The following SHROOM4 variants were observed in gnomAD, a reference collection of about 807,000 sequenced individuals.
SHROOM4 encodes protein Shroom4.
Under a neutral mutation model 80.3 loss-of-function variants are expected in SHROOM4, and 17 were observed. That is an observed-to-expected ratio of 0.21 (90% CI 0.14 to 0.32). The LOEUF (loss-of-function observed/expected upper bound fraction) is 0.32, where lower values mean the gene tolerates loss of function less well. Ranked by LOEUF, SHROOM4 falls within the 10% of genes least tolerant of loss-of-function variation. SHROOM4 has a pLI of 1.00. For missense variants in SHROOM4, 993 were observed against 1,140.3 expected, an observed-to-expected ratio of 0.87 and a Z score of 1.86; for synonymous variants, 400 against 437.5, an observed-to-expected ratio of 0.91 and a Z score of 1.07.
intron 1 of SHROOM4, among the ~76,000 whole-genome samples, chrX:50,698,976 C>T (rs190491849): frequency 1.5e-4 from 17 of 112,290 alleles, no homozygotes; most frequent in African/African-American, 5.5e-4. Context: ...TTGAAATTAA[C>T]ATACCTTGTT....
At chrX:50,684,964 A>C (rs1557262112) in intron 2 of SHROOM4, among the ~76,000 whole-genome samples, 1 of 112,123 alleles carries the variant, frequency 8.9e-6, no homozygotes, top group Non-Finnish European at 1.9e-5. Context: ...TTTTTGAGAA[A>C]GGAAATGACA....
At chrX:50,781,292 C>G (rs1213889955) in intron 1 of SHROOM4, among the ~76,000 whole-genome samples, 2 of 111,446 alleles carry the variant, frequency 1.8e-5, no homozygotes, top group Non-Finnish European at 3.8e-5. Context: ...TTAGCCCAGT[C>G]AAGTTGACAC....
intron 1 of SHROOM4, among the ~76,000 whole-genome samples, chrX:50,783,620 G>A (rs373813493): frequency 5.5e-5 from 6 of 109,099 alleles, no homozygotes; most frequent in African/African-American, 2.0e-4. Context: ...CTGTCACCCA[G>A]CCTGGAGTGC....
the SHROOM4 span, among the ~76,000 whole-genome samples, chrX:50,580,913 C>T: frequency 1.8e-5 from 2 of 112,326 alleles, no homozygotes; most frequent in Admixed American, 1.9e-4. Flanking sequence ...CTTCTCTTGT[C>T]ATTTCCTGAA....
chrX:50,682,526 G>A (rs782116608), intron 2 of SHROOM4, among the ~76,000 whole-genome samples: 3 of 111,745 alleles, frequency 2.7e-5, no homozygotes, highest in African/African-American at 9.7e-5. Context: ...AAAATTTACA[G>A]GGGGGAAATA....
At chrX:50,767,698 G>T in intron 1 of SHROOM4, among the ~76,000 whole-genome samples, 1 of 111,668 alleles carries the variant, frequency 9.0e-6, no homozygotes, top group South Asian at 3.8e-4. Flanking sequence ...AAAAAAAATG[G>T]TTTTGCTTTA....
At chrX:50,629,001 C>T (rs1376371045) in intron 4 of SHROOM4, among the ~76,000 whole-genome samples, 2 of 111,998 alleles carry the variant, frequency 1.8e-5, no homozygotes, top group Non-Finnish European at 3.8e-5. Flanking sequence ...GACACCATTA[C>T]TTGTTCAACC....
chrX:50,718,643 G>A (rs1428957431), intron 1 of SHROOM4, among the ~76,000 whole-genome samples: 1 of 111,719 alleles, frequency 9.0e-6, no homozygotes, highest in South Asian at 3.8e-4. Context: ...AAATGTCATT[G>A]GGTTGGAAAC....
chrX:50,632,975 T>C (rs1325478512), intron 4 of SHROOM4, among the ~76,000 whole-genome samples: 2 of 112,431 alleles, frequency 1.8e-5, no homozygotes, highest in Non-Finnish European at 3.8e-5. Context: ...GAAGCAAAAG[T>C]TACTTTTATC....
intron 1 of SHROOM4, among the ~76,000 whole-genome samples, chrX:50,728,569 C>G (rs1444546992): frequency 1.8e-5 from 2 of 111,616 alleles, no homozygotes; most frequent in Non-Finnish European, 3.8e-5. Context: ...TGATGAAACA[C>G]TGGCTGAACA....
At chrX:50,651,525 G>T (rs1557258774) in intron 2 of SHROOM4, among the ~76,000 whole-genome samples, 1 of 111,595 alleles carries the variant, frequency 9.0e-6, no homozygotes, top group East Asian at 2.8e-4. Context: ...AAAATTCTGG[G>T]GACCCATCCT....
At chrX:50,779,299 T>C (rs782462594) in intron 1 of SHROOM4, among the ~76,000 whole-genome samples, 18 of 111,906 alleles carry the variant, frequency 1.6e-4, no homozygotes, top group Non-Finnish European at 2.8e-4. Flanking sequence ...GAGGGCTTTA[T>C]AGACAACAGA....
At chrX:50,805,297 T>C (rs1037983884) in intron 1 of SHROOM4, among the ~76,000 whole-genome samples, 10 of 111,396 alleles carry the variant, frequency 9.0e-5, no homozygotes, top group Non-Finnish European at 1.1e-4. Context: ...CAGTTTCTTA[T>C]GGACCGTGAA....
Position 50,607,674 on chromosome X carries a change from T to C in SHROOM4, c.3468A>G (p.Glu1156=), listed in dbSNP as rs3747282. 0.31 allele frequency: 365,019 copies of C among 1,170,924 alleles called. 37,167 individuals carry two copies. Among genetic ancestry groups the C allele is most frequent in the South Asian group, 0.4 (20,755 of 51,654 alleles). Residue 1156 remains glutamate (E), a synonymous_variant, in exon 6 of 9, where the codon GAA becomes GAG. Transcript: ENST00000376020. ...TGAAATACTGGGGTGGCAGCTCCTC[T>C]TCCTCCTCCTCTGCCTCCTCCTCCT... The part of the protein sequence containing the change: ...EEEEEEAEEE[E]EELPPQYFSS...
chrX:50,631,810 G>A (rs913941380), intron 4 of SHROOM4, among the ~76,000 whole-genome samples: 4 of 111,638 alleles, frequency 3.6e-5, no homozygotes, highest in Non-Finnish European at 7.5e-5. Flanking sequence ...ATCCCTGGTG[G>A]TTGGGTGGCT....
chrX:50,769,465 A>C (rs1380722446), intron 1 of SHROOM4, among the ~76,000 whole-genome samples: 2 of 111,996 alleles, frequency 1.8e-5, no homozygotes, highest in African/African-American at 6.5e-5. Context: ...TTGAGCTTTT[A>C]TGAGGCATAT....
At chrX:50,713,386 T>C (rs1238299105) in intron 1 of SHROOM4, among the ~76,000 whole-genome samples, 1 of 111,359 alleles carries the variant, frequency 9.0e-6, no homozygotes, top group African/African-American at 3.3e-5. Context: ...ATCACAGCAC[T>C]TTGGGAGGCC....
chrX:50,678,229 TAGTC>T (rs781892810), intron 2 of SHROOM4, among the ~76,000 whole-genome samples: 1 of 111,862 alleles, frequency 8.9e-6, no homozygotes, highest in East Asian at 2.8e-4. Flanking sequence ...GTTTCTCTGA[TAGTC>T]AGCCTAAACA....
At chrX:50,678,328 T>C (rs1028762255) in intron 2 of SHROOM4, among the ~76,000 whole-genome samples, 4 of 111,444 alleles carry the variant, frequency 3.6e-5, no homozygotes, top group Non-Finnish European at 3.8e-5. Flanking sequence ...TGTATTTATA[T>C]CCTTCAAATA....
Sources: gnomAD v4.1 joint callset for allele counts (sites outside exome capture counted in the v4.1 genomes callset) on GRCh38, gnomAD v4.1.1 for gene constraint, MANE v1.5 for transcripts, NCBI Gene and HGNC (gene_info 2026-07-23, HGNC 2026-07-21) for gene names.